Variants in RIT2 observed in about 807,000 individuals in gnomAD.
The protein encoded by RIT2 is GTP-binding protein Rit2.
RIT2 carries 24 observed loss-of-function variants against 23.7 expected under a neutral mutation model. The ratio of observed to expected loss-of-function variants is 1.01; its 90% CI spans 0.73 to 1.43. The LOEUF (loss-of-function observed/expected upper bound fraction) is 1.43. Among genes scored for constraint, RIT2 ranks in the 40% most tolerant of loss-of-function variants. The pLI, the probability that RIT2 is intolerant of heterozygous loss-of-function variation, is 0.00. For synonymous variants in RIT2, 107 were observed against 91.1 expected (o/e 1.17, Z -0.99); for missense variants, 236 against 266.9 (o/e 0.88, Z 0.81).
chr18:43,105,444 C>T (rs1369508302), intron 1 of RIT2, among the ~76,000 whole-genome samples: 3 of 32,202 alleles, frequency 9.3e-5, no homozygotes, highest in Non-Finnish European at 1.7e-4. Context: ...AAGGAAGGAA[C>T]AAAAAAAGGA....
At chr18:42,841,187 C>T (rs564168779) in intron 4 of RIT2, among the ~76,000 whole-genome samples, 43 of 152,248 alleles carry the variant, frequency 2.8e-4, no homozygotes, top group African/African-American at 6.7e-4. Flanking sequence ...TCTTAAAAAA[C>T]GCAAACAGGC....
At chr18:42,971,047 G>GTATA (rs1055592687) in intron 3 of RIT2, among the ~76,000 whole-genome samples, 1 of 151,708 alleles carries the variant, frequency 6.6e-6, no homozygotes, top group Non-Finnish European at 1.5e-5. Context: ...TTACTTCTTT[G>GTATA]TATAACATTT....
chr18:42,847,791 C>T (rs559377633), intron 4 of RIT2, among the ~76,000 whole-genome samples: 58 of 151,700 alleles, frequency 3.8e-4, no homozygotes, highest in African/African-American at 1.3e-3. Context: ...ATGCAATGTA[C>T]ATGTATTTTA....
chr18:42,746,942 T>G (rs1481490691), intron 4 of RIT2, among the ~76,000 whole-genome samples: 1 of 152,042 alleles, frequency 6.6e-6, no homozygotes, highest in East Asian at 1.9e-4. Flanking sequence ...TCACAGCCGA[T>G]GTAGCACTGA....
intron 3 of RIT2, among the ~76,000 whole-genome samples, chr18:42,968,107 G>T (rs1185947152): frequency 6.6e-6 from 1 of 152,044 alleles, no homozygotes; most frequent in African/African-American, 2.4e-5. Flanking sequence ...ATTTGCTTGG[G>T]CTACTAAAAT....
At chr18:42,766,170 G>A (rs1429120101) in intron 4 of RIT2, among the ~76,000 whole-genome samples, 2 of 152,160 alleles carry the variant, frequency 1.3e-5, no homozygotes, top group African/African-American at 2.4e-5. Context: ...TTTGGAACTC[G>A]GTAACAGGCA....
At chr18:42,814,513 C>A (rs1905940539) in intron 4 of RIT2, among the ~76,000 whole-genome samples, 1 of 152,150 alleles carries the variant, frequency 6.6e-6, no homozygotes, top group African/African-American at 2.4e-5. Context: ...GGGATCATAA[C>A]TCCATTGACC....
intron 4 of RIT2, among the ~76,000 whole-genome samples, chr18:42,807,730 G>A (rs189674129): frequency 2.6e-5 from 4 of 152,156 alleles, no homozygotes; most frequent in Admixed American, 6.5e-5. Flanking sequence ...TGTTATTTAC[G>A]AGAACCCTTG....
chr18:42,935,916 A>G (rs1369422482), intron 3 of RIT2, among the ~76,000 whole-genome samples: 3 of 151,970 alleles, frequency 2.0e-5, no homozygotes, highest in South Asian at 2.1e-4. Context: ...TTTAGAGGCC[A>G]GAGTGGATTT....
At chr18:43,057,001 G>T (rs1157672692) in intron 1 of RIT2, among the ~76,000 whole-genome samples, 1 of 139,770 alleles carries the variant, frequency 7.2e-6, no homozygotes, top group Admixed American at 8.0e-5. Context: ...GAAATTCCTT[G>T]TTCTTGTTCT....
At chr18:43,060,493 G>T (rs1912618759) in intron 1 of RIT2, among the ~76,000 whole-genome samples, 1 of 152,148 alleles carries the variant, frequency 6.6e-6, no homozygotes, top group Non-Finnish European at 1.5e-5. Context: ...GGGATTGGGA[G>T]ATGCTGTGAG....
intron 4 of RIT2, among the ~76,000 whole-genome samples, chr18:42,790,783 C>T (rs1026058195): frequency 4.6e-5 from 7 of 152,190 alleles, no homozygotes; most frequent in African/African-American, 1.7e-4. Context: ...ATTTTGATAA[C>T]ATGCCTACAG....
intron 4 of RIT2, among the ~76,000 whole-genome samples, chr18:42,824,862 T>G (rs1185066635): frequency 1.3e-5 from 2 of 151,856 alleles, no homozygotes; most frequent in Non-Finnish European, 2.9e-5. Flanking sequence ...CTATCAAGAC[T>G]TTATTGATAG....
At chr18:42,881,720 A>T (rs1907899783) in intron 4 of RIT2, among the ~76,000 whole-genome samples, 1 of 152,186 alleles carries the variant, frequency 6.6e-6, no homozygotes, top group South Asian at 2.1e-4. Flanking sequence ...CATGTTGGTT[A>T]TGTGCCCCTC....
At chr18:42,761,883 GACACCT>G (rs889111312) in intron 4 of RIT2, among the ~76,000 whole-genome samples, 11 of 152,102 alleles carry the variant, frequency 7.2e-5, no homozygotes, top group Non-Finnish European at 1.3e-4. Flanking sequence ...TTTTCTCAGT[GACACCT>G]AATTCAGCAA....
intron 4 of RIT2, among the ~76,000 whole-genome samples, chr18:42,863,438 ACT>A (rs1907383321): frequency 6.6e-6 from 1 of 151,670 alleles, no homozygotes; most frequent in Admixed American, 6.6e-5. Flanking sequence ...CCAATATTTA[ACT>A]CTGCCTGATT....
intron 2 of RIT2, among the ~76,000 whole-genome samples, chr18:42,984,294 T>C (rs1910661030): frequency 6.6e-6 from 1 of 152,098 alleles, no homozygotes; most frequent in Non-Finnish European, 1.5e-5. Context: ...TTATTCTAAC[T>C]GAAACAGCCA....
chr18:43,058,733 G>A (rs1237241644), intron 1 of RIT2, among the ~76,000 whole-genome samples: 1 of 151,832 alleles, frequency 6.6e-6, no homozygotes, highest in African/African-American at 2.4e-5. Flanking sequence ...CAAAAAAAAT[G>A]CAAAAATTAC....
At chr18:42,794,195 T>G (rs1163910207) in intron 4 of RIT2, among the ~76,000 whole-genome samples, 2 of 152,120 alleles carry the variant, frequency 1.3e-5, no homozygotes, top group African/African-American at 4.8e-5. Context: ...CCCTGCAGGG[T>G]GCTAGGCCAC....
Sources: allele counts gnomAD v4.1 joint callset (sites outside exome capture counted in the v4.1 genomes callset), GRCh38; gene constraint gnomAD v4.1.1; transcripts MANE v1.5; gene names NCBI Gene and HGNC (gene_info 2026-07-23, HGNC 2026-07-21).